ARIH1: variants seen among roughly 807,000 people sequenced by gnomAD.
ARIH1 encodes the protein E3 ubiquitin-protein ligase ARIH1.
A neutral mutation model predicts 85.0 loss-of-function variants in ARIH1; 8 were observed. The ratio of observed to expected loss-of-function variants is 0.09; its 90% confidence interval spans 0.06 to 0.17. The LOEUF is 0.17. Among genes scored for constraint, ARIH1 ranks in the 10% least tolerant of loss-of-function variants. ARIH1 has a pLI of 1.00. For synonymous variants in ARIH1, 238 were observed against 253.6 expected, an observed-to-expected ratio of 0.94 and a Z score of 0.59; for missense variants, 311 against 718.1, an observed-to-expected ratio of 0.43 and a Z score of 6.48.
intron 5 of ARIH1, among the ~76,000 whole-genome samples, chr15:72,561,089 A>G (rs1024979612): frequency 1.3e-5 from 2 of 152,146 alleles, no homozygotes; most frequent in Non-Finnish European, 2.9e-5. Flanking sequence ...CTCATTTCGC[A>G]TACTGATTTG....
chr15:72,574,373 A>G (rs74844769), intron 11 of ARIH1, among the ~76,000 whole-genome samples: 2,654 of 152,340 alleles, frequency 0.017, 29 homozygotes, highest in South Asian at 0.028. Context: ...GCCTCCCTGA[A>G]AGGATCACAC....
chr15:72,594,800 TGCC>T lies in ARIH1; in HGVS notation c.*11509_*11511del, dbSNP rs1487513067. 17 of 146,694 alleles carry T rather than the reference TGCC, an allele frequency of 1.2e-4. No homozygotes were observed. The highest frequency in any genetic ancestry group is 4.2e-4 in the African/African-American group (16 of 37,882). The allele number at this position is 146,694 out of a possible 1,614,324, so 9.1% of individuals were successfully genotyped here. A position where few individuals can be genotyped will look rare whatever the true frequency, so the allele number is the denominator to read the frequency against. On this transcript the variant is annotated 3_prime_UTR_variant, in exon 14 of 14. Coordinates refer to ENST00000379887, the MANE Select transcript of ARIH1 (RefSeq NM_005744.5). The stretch of plus-strand genomic sequence containing the variant: ...GTTTTTACTTCTTTTTCTGATTTTA[TGCC>T]TTTTCTTCTTTTTTTTTTTTTTTTT...
At chr15:72,546,124 A>G (rs527849492) in intron 3 of ARIH1, among the ~76,000 whole-genome samples, 1 of 152,260 alleles carries the variant, frequency 6.6e-6, no homozygotes, top group South Asian at 2.1e-4. Flanking sequence ...TACAGCCTTC[A>G]TCAGACTCTT....
intron 3 of ARIH1, among the ~76,000 whole-genome samples, chr15:72,550,024 G>GCGATAATAATATGTT (rs1278435932): frequency 3.3e-5 from 5 of 152,166 alleles, no homozygotes; most frequent in African/African-American, 1.2e-4. Context: ...GAAGATATCT[G>GCGATAATAATATGTT]CGATAATAAT....
At chr15:72,578,952 T>C (rs990267702) in intron 11 of ARIH1, among the ~76,000 whole-genome samples, 3 of 151,772 alleles carry the variant, frequency 2.0e-5, no homozygotes, top group African/African-American at 4.8e-5. Context: ...GCCCAGCTAA[T>C]TTTTTGTATT....
At chr15:72,556,808 A>G (rs2064176567) in intron 5 of ARIH1, among the ~76,000 whole-genome samples, 1 of 152,236 alleles carries the variant, frequency 6.6e-6, no homozygotes, top group Non-Finnish European at 1.5e-5. Context: ...ATAAATGAGA[A>G]CATGTGGTAT....
chr15:72,478,573 A>G (rs2063803309), intron 1 of ARIH1, among the ~76,000 whole-genome samples: 1 of 152,310 alleles, frequency 6.6e-6, no homozygotes, highest in South Asian at 2.1e-4. Flanking sequence ...TATGCCAGGC[A>G]TTATGTTAAG....
intron 2 of ARIH1, among the ~76,000 whole-genome samples, chr15:72,544,572 A>G (rs891859228): frequency 6.6e-6 from 1 of 151,776 alleles, no homozygotes; most frequent in Non-Finnish European, 1.5e-5. Context: ...ACACACACAC[A>G]CTCATATATA....
chr15:72,557,998 G>GT (rs2064182135), intron 5 of ARIH1, among the ~76,000 whole-genome samples: 1 of 152,166 alleles, frequency 6.6e-6, no homozygotes, highest in Non-Finnish European at 1.5e-5. Flanking sequence ...AAGATTGATA[G>GT]TTTGACTTCT....
At position 72,595,804 on chromosome 15, in the gene ARIH1, TTC is replaced by T. The variant is rs1347140901; in HGVS notation, c.*12514_*12515del. 7.3e-5 allele frequency: 7 copies of T among 95,442 alleles called. No individual in the cohort carries two copies. Among genetic ancestry groups the T allele is most frequent in the Admixed American group, 1.6e-4 (1 of 6,062 alleles). The allele number at this position is 95,442 out of a possible 1,614,324, so 5.9% of individuals were successfully genotyped here. The stretch of plus-strand genomic sequence containing the variant: ...AGCCTATTGCAGTGTTTTTTGTTTT[TTC>T]TGTTTTTTTTTTTTTTTTTTCATCT... On this transcript the variant is annotated 3_prime_UTR_variant, in exon 14 of 14. Coordinates refer to ENST00000379887, the MANE Select transcript of ARIH1 (RefSeq NM_005744.5).
At chr15:72,499,985 T>G (rs914432516) in intron 1 of ARIH1, among the ~76,000 whole-genome samples, 1 of 152,230 alleles carries the variant, frequency 6.6e-6, no homozygotes, top group African/African-American at 2.4e-5. Context: ...TCCTTCAAAC[T>G]TGATTGCTAG....
At chr15:72,503,225 T>C (rs2063910934) in intron 1 of ARIH1, among the ~76,000 whole-genome samples, 1 of 152,260 alleles carries the variant, frequency 6.6e-6, no homozygotes, top group African/African-American at 2.4e-5. Flanking sequence ...TTTTGTGGTC[T>C]GGGTCATGAA....
intron 3 of ARIH1, among the ~76,000 whole-genome samples, chr15:72,552,597 A>AT (rs1448089697): frequency 6.6e-6 from 1 of 151,764 alleles, no homozygotes; most frequent in Non-Finnish European, 1.5e-5. Flanking sequence ...GCCCTATTGG[A>AT]TTTTTTTAAA....
intron 11 of ARIH1, among the ~76,000 whole-genome samples, chr15:72,578,558 A>G (rs2064281753): frequency 6.6e-6 from 1 of 152,182 alleles, no homozygotes; most frequent in Non-Finnish European, 1.5e-5. Context: ...TAGGCTACAT[A>G]TGTCTTATGC....
At chr15:72,553,064 C>A (rs1384560924) in intron 3 of ARIH1, among the ~76,000 whole-genome samples, 1 of 152,064 alleles carries the variant, frequency 6.6e-6, no homozygotes, top group Non-Finnish European at 1.5e-5. Flanking sequence ...TGTGAGCCAC[C>A]GCACCCGGCC....
intron 2 of ARIH1, among the ~76,000 whole-genome samples, chr15:72,519,027 T>C (rs968248832): frequency 3.3e-5 from 5 of 152,154 alleles, no homozygotes; most frequent in Non-Finnish European, 7.3e-5. Context: ...AGAATGACAG[T>C]ATTAATGTCA....
chr15:72,586,004 A>C lies in ARIH1; in HGVS notation c.*2712A>C, dbSNP rs1309518125. On this transcript the variant is annotated 3_prime_UTR_variant, in exon 14 of 14. Coordinates refer to ENST00000379887, the MANE Select transcript of ARIH1 (RefSeq NM_005744.5). ...AGTGCATGCTTCATTTGAACAATTC[A>C]TTCAGCAGCAGATGGACTTTCAGTG... 1 of 152,200 alleles carries C rather than the reference A, an allele frequency of 6.6e-6. No individual in the cohort carries two copies. Among genetic ancestry groups the C allele is most frequent in the Non-Finnish European group, 1.5e-5 (1 of 68,026 alleles). The allele number at this position is 152,200 out of a possible 1,614,324, so 9.4% of individuals were successfully genotyped here. A position where few individuals can be genotyped will look rare whatever the true frequency, so the allele number is the denominator to read the frequency against.
Position 72,587,049 on chromosome 15 carries a change from CT to C in ARIH1, c.*3758del. ...CCAGGTTTTAGGACAATTTAATTTACTCTTATTTGGATCTGTAATTATGGGA... is the reference window on the plus strand; with the variant it reads ...CCAGGTTTTAGGACAATTTAATTTACCTTATTTGGATCTGTAATTATGGGA... On this transcript the variant is annotated 3_prime_UTR_variant, in exon 14 of 14. Coordinates refer to ENST00000379887, the MANE Select transcript of ARIH1 (RefSeq NM_005744.5). 1 of 379,158 alleles carries C rather than the reference CT, an allele frequency of 2.6e-6. No individual in the cohort carries two copies. Among genetic ancestry groups the C allele is most frequent in the Non-Finnish European group, 5.1e-6 (1 of 195,530 alleles). 23.5% of individuals were successfully genotyped at this position (379,158 alleles called of 1,614,324 possible). A position where few individuals can be genotyped will look rare whatever the true frequency, so the allele number is the denominator to read the frequency against.
intron 5 of ARIH1, among the ~76,000 whole-genome samples, chr15:72,559,558 A>G (rs1484866619): frequency 6.6e-6 from 1 of 152,168 alleles, no homozygotes; most frequent in Non-Finnish European, 1.5e-5. Context: ...GGCGTGAGCA[A>G]CCGCACATGG....
Sources: gnomAD v4.1 joint callset for allele counts (sites outside exome capture counted in the v4.1 genomes callset) on GRCh38, gnomAD v4.1.1 for gene constraint, MANE v1.5 for transcripts, NCBI Gene and HGNC (gene_info 2026-07-23, HGNC 2026-07-21) for gene names.